STAB2: variants seen among roughly 807,000 people sequenced by gnomAD.
STAB2 encodes the protein stabilin-2.
STAB2 carries 288 observed loss-of-function variants against 338.1 expected under a neutral mutation model. The observed-to-expected ratio is 0.85, with a 90% confidence interval of 0.77 to 0.94. The LOEUF (loss-of-function observed/expected upper bound fraction) is 0.94, where lower values mean the gene tolerates loss of function less well. Among genes scored for constraint, STAB2 ranks in the 40% least tolerant of loss-of-function variants. The pLI, the probability that STAB2 is intolerant of heterozygous loss-of-function variation, is 0.00. For missense variants in STAB2, 3,141 were observed against 3,210.1 expected, an observed-to-expected ratio of 0.98 and a Z score of 0.52; for synonymous variants, 1,202 against 1,193.3, an observed-to-expected ratio of 1.01 and a Z score of -0.15.
intron 21 of STAB2, among the ~76,000 whole-genome samples, chr12:103,669,833 A>G (rs1329189247): frequency 6.6e-6 from 1 of 152,192 alleles, no homozygotes; most frequent in African/African-American, 2.4e-5. Flanking sequence ...TGTTGCCTCT[A>G]GTCTGCTTCT....
At chr12:103,616,819 A>C (rs114647875) in intron 3 of STAB2, among the ~76,000 whole-genome samples, 5,761 of 152,306 alleles carry the variant, frequency 0.038, 390 homozygotes, top group African/African-American at 0.13. Context: ...AAGCAAATAG[A>C]AGAACTATTT....
At position 103,759,250 on chromosome 12, in the gene STAB2, G is replaced by A. The variant is rs750288675; in HGVS notation, c.7225G>A (p.Ala2409Thr). The change falls in exon 65 of 69, where the codon GCC (alanine) becomes ACC (threonine). Residue 2409 changes from alanine to threonine, a missense_variant. Transcript: ENST00000388887. ...GCTGGGAAGCAAGCTGCTCATCACT[G>A]CCAGCCAGGACCCACTCCAACCGGT... The part of the protein sequence containing the change: ...TRLGSKLLIT[A>T]SQDPLQPTET... 3 of 1,614,110 alleles carry A rather than the reference G, an allele frequency of 1.9e-6. No individual in the cohort carries two copies. The highest frequency in any genetic ancestry group is 1.6e-4 in the Middle Eastern group (1 of 6,062).
At chr12:103,628,622 G>A (rs1957415599) in intron 5 of STAB2, among the ~76,000 whole-genome samples, 1 of 152,120 alleles carries the variant, frequency 6.6e-6, no homozygotes. Context: ...GCTGTTTTTG[G>A]TTGTGACAGT....
At position 103,695,756 on chromosome 12, in the gene STAB2, C is replaced by A; in HGVS notation, c.3494C>A (p.Ala1165Glu). ...TCGCAGCAATATAATCTGGCGAATG[C>A]AATTGAGGCTGCCGATGCCTACACA... ...GYIIQYNLAN[A>E]IEAADAYTVF... The change falls in exon 33 of 69, where the codon GCA (alanine) becomes GAA (glutamate). Residue 1165 changes from alanine to glutamate, a missense_variant. Ala to Glu is a moderately radical substitution (Grantham distance 107, BLOSUM62 -1). Coordinates refer to ENST00000388887, the MANE Select transcript of STAB2 (RefSeq NM_017564.10). The A allele has an allele frequency of 6.2e-7, 1 of 1,613,976 alleles. No homozygotes were observed. Among genetic ancestry groups the A allele is most frequent in the Non-Finnish European group, 8.5e-7 (1 of 1,179,996 alleles).
chr12:103,668,491 T>C (rs1593205307), intron 19 of STAB2, 152 bp from the exon 20 acceptor site: 4 of 670,624 alleles, frequency 6.0e-6, no homozygotes. Flanking sequence ...CAAGCTCTGA[T>C]GTAGACCCAG....
chr12:103,759,723 A>G (rs1025739172), intron 65 of STAB2, among the ~76,000 whole-genome samples: 1 of 151,860 alleles, frequency 6.6e-6, no homozygotes, highest in Non-Finnish European at 1.5e-5. Context: ...GATACAGGTC[A>G]TTATTTTCAT....
At chr12:103,608,258 C>T (rs568108277) in intron 3 of STAB2, among the ~76,000 whole-genome samples, 8 of 152,302 alleles carry the variant, frequency 5.3e-5, no homozygotes, top group African/African-American at 1.9e-4. Flanking sequence ...CCTGCCTCAG[C>T]CTCCTGAGTA....
At chr12:103,754,335 T>G (rs1883926819) in intron 61 of STAB2, among the ~76,000 whole-genome samples, 1 of 152,092 alleles carries the variant, frequency 6.6e-6, no homozygotes, top group Non-Finnish European at 1.5e-5. Flanking sequence ...TTTAAGATTA[T>G]TAAAAGATCT....
intron 2 of STAB2, 53 bp from the exon 3 acceptor site, chr12:103,594,342 G>A: frequency 7.3e-7 from 1 of 1,362,626 alleles, no homozygotes; most frequent in South Asian, 1.2e-5. Flanking sequence ...CTACCACCTA[G>A]AGTAACTGCA....
At chr12:103,751,921 C>T (rs960408026) in intron 60 of STAB2, among the ~76,000 whole-genome samples, 1 of 152,168 alleles carries the variant, frequency 6.6e-6, no homozygotes, top group African/African-American at 2.4e-5. Context: ...TGGGAGAATG[C>T]CCCAGCTTTC....
At chr12:103,711,215 A>C (rs1269064349) in intron 39 of STAB2, 1 of 499,984 alleles carries the variant, frequency 2.0e-6, no homozygotes, top group African/African-American at 2.0e-5. Context: ...TCTGTGTTTT[A>C]TTCACTCTTG....
At chr12:103,711,542 G>A in intron 40 of STAB2, 26 bp downstream of exon 40, 1 of 1,613,788 alleles carries the variant, frequency 6.2e-7, no homozygotes, top group East Asian at 2.2e-5. Flanking sequence ...CCACCTCTGG[G>A]GACAGTGTAA....
At chr12:103,677,710 A>T in intron 25 of STAB2, 99 bp downstream of exon 25, 1 of 1,425,224 alleles carries the variant, frequency 7.0e-7, no homozygotes, top group Non-Finnish European at 9.4e-7. Context: ...AACTTACTGC[A>T]GCTTTTTTCA....
At chr12:103,590,666 A>G (rs1435005230) in intron 1 of STAB2, among the ~76,000 whole-genome samples, 1 of 152,208 alleles carries the variant, frequency 6.6e-6, no homozygotes, top group East Asian at 1.9e-4. Context: ...TGGTACAAAC[A>G]GTGGCTCTTA....
intron 3 of STAB2, among the ~76,000 whole-genome samples, chr12:103,601,150 C>T (rs1394800300): frequency 2.0e-5 from 2 of 98,168 alleles, no homozygotes; most frequent in African/African-American, 6.3e-5. Flanking sequence ...TAGATAACAA[C>T]TTCATAAGGC....
chr12:103,668,834 T>G (rs1875430649), intron 20 of STAB2, 105 bp downstream of exon 20: 2 of 988,220 alleles, frequency 2.0e-6, no homozygotes, highest in Admixed American at 5.8e-5. Context: ...TGGCCCGTGC[T>G]TGCTGTTGTC....
intron 11 of STAB2, among the ~76,000 whole-genome samples, chr12:103,651,545 C>G (rs1006427491): frequency 2.0e-5 from 3 of 151,632 alleles, no homozygotes; most frequent in African/African-American, 7.3e-5. Flanking sequence ...ATCTCCTGAC[C>G]TCGTGATCTG....
intron 68 of STAB2, among the ~76,000 whole-genome samples, chr12:103,765,378 A>C (rs1486858591): frequency 6.6e-6 from 1 of 152,204 alleles, no homozygotes; most frequent in African/African-American, 2.4e-5. Context: ...CCTAAGCATA[A>C]GGTACCAGCT....
At chr12:103,755,531 C>G (rs560074533) in intron 62 of STAB2, 64 bp downstream of exon 62, 133 of 1,607,644 alleles carry the variant, frequency 8.3e-5, no homozygotes, top group Non-Finnish European at 1.1e-4. Flanking sequence ...CTCAGCCTGG[C>G]CAGTCACTCC....
Sources: gnomAD v4.1 joint callset for allele counts (sites outside exome capture counted in the v4.1 genomes callset) on GRCh38, gnomAD v4.1.1 for gene constraint, MANE v1.5 for transcripts, NCBI Gene and HGNC (gene_info 2026-07-23, HGNC 2026-07-21) for gene names.